The following EFCAB6 variants were observed in gnomAD, a reference collection of about 807,000 sequenced individuals.
The protein encoded by EFCAB6 is EF-hand calcium-binding domain-containing protein 6.
EFCAB6 carries 156 observed loss-of-function variants against 169.8 expected under a neutral mutation model. The observed-to-expected ratio is 0.92, with a 90% CI of 0.81 to 1.05. EFCAB6 has a LOEUF of 1.05. Among genes scored for constraint, EFCAB6 ranks in the 50% least tolerant of loss-of-function variants. EFCAB6 has a pLI of 0.00. For missense variants in EFCAB6, 1,800 were observed against 1,829.1 expected (o/e 0.98, Z 0.29); for synonymous variants, 698 against 676.4 (o/e 1.03, Z -0.50).
At chr22:43,634,393 A>G (rs1436223406) in intron 18 of EFCAB6, among the ~76,000 whole-genome samples, 2 of 152,112 alleles carry the variant, frequency 1.3e-5, no homozygotes, top group Non-Finnish European at 2.9e-5. Context: ...ATCCAGCCTG[A>G]GTCTCTGGGA....
At chr22:43,571,143 A>G (rs1308832018) in intron 26 of EFCAB6, among the ~76,000 whole-genome samples, 2 of 152,226 alleles carry the variant, frequency 1.3e-5, no homozygotes, top group Non-Finnish European at 2.9e-5. Context: ...CTTAAGAATA[A>G]TAGGAGTTTT....
At chr22:43,742,288 A>G (rs542258818) in intron 6 of EFCAB6, among the ~76,000 whole-genome samples, 1 of 152,378 alleles carries the variant, frequency 6.6e-6, no homozygotes, top group South Asian at 2.1e-4. Context: ...TCCATAAATA[A>G]ATTGTATTGG....
chr22:43,809,030 A>G lies in EFCAB6; in HGVS notation c.-43T>C, dbSNP rs1278204999. On this transcript the variant is annotated 5_prime_UTR_variant, in exon 2 of 32. Transcript: ENST00000262726. ...TCTTCAATCTCAAATATTCAGTTCA[A>G]ATGCTAAAGTCCACATTCTCTCCCT... The G allele has an allele frequency of 1.3e-5, 2 of 152,250 alleles. No homozygotes were observed. The highest frequency in any genetic ancestry group is 2.9e-5 in the Non-Finnish European group (2 of 68,032). 9.4% of individuals were successfully genotyped at this position (152,250 alleles called of 1,614,324 possible). A position where few individuals can be genotyped will look rare whatever the true frequency, so the allele number is the denominator to read the frequency against.
At chr22:43,709,657 G>A (rs2059086866) in intron 10 of EFCAB6, among the ~76,000 whole-genome samples, 1 of 152,172 alleles carries the variant, frequency 6.6e-6, no homozygotes, top group South Asian at 2.1e-4. Flanking sequence ...TGTTAGGTAA[G>A]GTGGATGGTG....
chr22:43,772,887 A>C lies in EFCAB6; in HGVS notation c.351+5T>G, dbSNP rs1340326290. ...GGGATTCTAAGTATGTACAACATAC[A>C]GCACCTGAGCCAACACGTCCTGAAA... On this transcript the variant is annotated splice_donor_5th_base_variant and intron_variant, in intron 4 of 31. Coordinates refer to ENST00000262726, the MANE Select transcript of EFCAB6 (RefSeq NM_022785.4). 6.2e-7 allele frequency: 1 copy of C among 1,614,204 alleles called. No individual in the cohort carries two copies. The highest frequency in any genetic ancestry group is 8.5e-7 in the Non-Finnish European group (1 of 1,180,024).
At chr22:43,644,336 A>G (rs2056011604) in intron 17 of EFCAB6, among the ~76,000 whole-genome samples, 1 of 152,154 alleles carries the variant, frequency 6.6e-6, no homozygotes, top group African/African-American at 2.4e-5. Context: ...ATGGGGAACA[A>G]GCAGGGAGGA....
intron 17 of EFCAB6, among the ~76,000 whole-genome samples, chr22:43,663,935 A>C (rs1423626582): frequency 6.6e-6 from 1 of 152,212 alleles, no homozygotes; most frequent in Admixed American, 6.5e-5. Context: ...AGTCCAGGGT[A>C]CTTTGTTAAA....
At chr22:43,570,899 G>C (rs931827842) in intron 26 of EFCAB6, among the ~76,000 whole-genome samples, 10 of 152,340 alleles carry the variant, frequency 6.6e-5, no homozygotes, top group African/African-American at 2.4e-4. Context: ...AAGACCCCTG[G>C]ACTCCCCCAC....
intron 22 of EFCAB6, among the ~76,000 whole-genome samples, chr22:43,605,548 C>T (rs1429052442): frequency 2.7e-5 from 4 of 150,832 alleles, no homozygotes; most frequent in East Asian, 2.0e-4. Context: ...GAGGCTGAGA[C>T]AGGAGAATCG....
intron 26 of EFCAB6, among the ~76,000 whole-genome samples, chr22:43,556,719 G>T (rs2048728855): frequency 6.6e-6 from 1 of 152,138 alleles, no homozygotes; most frequent in Non-Finnish European, 1.5e-5. Flanking sequence ...GGATGCTGCT[G>T]GGAATGTCCT....
intron 9 of EFCAB6, 57 bp downstream of exon 9, chr22:43,716,791 T>G (rs746673464): frequency 6.5e-7 from 1 of 1,544,674 alleles, no homozygotes; most frequent in Non-Finnish European, 8.7e-7. Flanking sequence ...GTTTTCCATA[T>G]TGTCTACTTT....
At chr22:43,738,178 GCA>G (rs1306905773) in intron 6 of EFCAB6, among the ~76,000 whole-genome samples, 2 of 124,330 alleles carry the variant, frequency 1.6e-5, no homozygotes, top group Non-Finnish European at 1.7e-5. Context: ...ACACATATAT[GCA>G]CACACACCTG....
At chr22:43,662,168 TA>T (rs2057037102) in intron 17 of EFCAB6, among the ~76,000 whole-genome samples, 2 of 131,772 alleles carry the variant, frequency 1.5e-5, no homozygotes, top group Non-Finnish European at 3.1e-5. Context: ...AAAATAATAA[TA>T]ATAATAATAA....
intron 23 of EFCAB6, among the ~76,000 whole-genome samples, chr22:43,596,427 A>G (rs1028121405): frequency 1.3e-5 from 2 of 152,126 alleles, no homozygotes; most frequent in African/African-American, 4.8e-5. Flanking sequence ...AATACACAAA[A>G]ATCAGTAGCA....
At chr22:43,562,266 C>G (rs771674648) in intron 26 of EFCAB6, among the ~76,000 whole-genome samples, 3 of 152,172 alleles carry the variant, frequency 2.0e-5, no homozygotes, top group Non-Finnish European at 2.9e-5. Flanking sequence ...CCCTTTGTGA[C>G]TACACCGTAA....
intron 20 of EFCAB6, among the ~76,000 whole-genome samples, chr22:43,619,706 G>C (rs1276941959): frequency 6.6e-6 from 1 of 151,938 alleles, no homozygotes; most frequent in African/African-American, 2.4e-5. Context: ...GAACAAAAGA[G>C]AAAATAAAAA....
intron 12 of EFCAB6, among the ~76,000 whole-genome samples, chr22:43,680,687 G>T: frequency 6.6e-6 from 1 of 151,984 alleles, no homozygotes; most frequent in East Asian, 1.9e-4. Context: ...TTATTCCTAG[G>T]TATTTTATTC....
chr22:43,634,017 C>T (rs1454707545), intron 18 of EFCAB6, among the ~76,000 whole-genome samples: 1 of 151,992 alleles, frequency 6.6e-6, no homozygotes, highest in Non-Finnish European at 1.5e-5. Context: ...AGAGGAGAAG[C>T]AGGAAGTGAG....
At chr22:43,689,349 G>GCACAAACACACACACACACA (rs375566793) in intron 10 of EFCAB6, among the ~76,000 whole-genome samples, 12 of 147,072 alleles carry the variant, frequency 8.2e-5, no homozygotes, top group South Asian at 6.6e-4. Context: ...GAGAGCACGT[G>GCACAAACACACACACACACA]CACACACACA....
Sources: allele counts gnomAD v4.1 joint callset (sites outside exome capture counted in the v4.1 genomes callset), GRCh38; gene constraint gnomAD v4.1.1; transcripts MANE v1.5; gene names NCBI Gene and HGNC (gene_info 2026-07-23, HGNC 2026-07-21).